HDAC9: variants seen among roughly 807,000 people sequenced by gnomAD.
HDAC9 encodes MEF-2 interacting transcription repressor (MITR) protein.
HDAC9 carries 41 observed loss-of-function variants against 139.4 expected under a neutral mutation model. The observed-to-expected ratio is 0.29, with a 90% CI of 0.23 to 0.38. HDAC9 has a LOEUF of 0.38. Ranked by LOEUF, HDAC9 falls within the 10% of genes least tolerant of loss-of-function variation. HDAC9 has a pLI of 1.00. For missense variants in HDAC9, 1,147 were observed against 1,297.0 expected (o/e 0.88, Z 1.78); for synonymous variants, 517 against 476.2 (o/e 1.09, Z -1.12).
At chr7:18,922,390 T>C (rs1178806996) in intron 22 of HDAC9, among the ~76,000 whole-genome samples, 3 of 152,036 alleles carry the variant, frequency 2.0e-5, no homozygotes, top group South Asian at 2.1e-4. Flanking sequence ...ATAAAAAATG[T>C]TGTGAGAGGA....
chr7:18,715,714 G>A (rs1294001141), intron 12 of HDAC9, among the ~76,000 whole-genome samples: 1 of 152,082 alleles, frequency 6.6e-6, no homozygotes, highest in East Asian at 1.9e-4. Context: ...GTTAAATCTA[G>A]TATATTAACA....
chr7:18,985,059 T>A (rs12056180), intron 25 of HDAC9, among the ~76,000 whole-genome samples: 52,897 of 152,004 alleles, frequency 0.35, 10,678 homozygotes, highest in Non-Finnish European at 0.46. Context: ...TATTTTTTTT[T>A]AATTCTTTTT....
chr7:18,868,666 T>C (rs1275485280), intron 21 of HDAC9, among the ~76,000 whole-genome samples: 10 of 152,196 alleles, frequency 6.6e-5, no homozygotes, highest in Non-Finnish European at 5.9e-5. Flanking sequence ...GCAAAAGTAA[T>C]TGTGTTTTTT....
At chr7:18,110,571 G>C (rs1424155215) in intron 1 of HDAC9, among the ~76,000 whole-genome samples, 1 of 152,204 alleles carries the variant, frequency 6.6e-6, no homozygotes, top group East Asian at 1.9e-4. Flanking sequence ...AGTGAGGCTG[G>C]GAAGCCAGAT....
intron 2 of HDAC9, among the ~76,000 whole-genome samples, chr7:18,534,352 A>G (rs1013407352): frequency 2.0e-5 from 3 of 152,008 alleles, no homozygotes; most frequent in Non-Finnish European, 4.4e-5. Flanking sequence ...ACCAGCCTGG[A>G]CAACACGGTG....
At chr7:18,743,336 A>G (rs1049067676) in intron 13 of HDAC9, among the ~76,000 whole-genome samples, 3 of 152,210 alleles carry the variant, frequency 2.0e-5, no homozygotes, top group Non-Finnish European at 4.4e-5. Context: ...CTCTGTTAAG[A>G]TGACTTACAT....
intron 1 of HDAC9, among the ~76,000 whole-genome samples, chr7:18,354,039 T>A (rs1197174224): frequency 6.6e-6 from 1 of 152,106 alleles, no homozygotes; most frequent in Non-Finnish European, 1.5e-5. Flanking sequence ...CATTTGGGAC[T>A]TAGCAAATTC....
chr7:18,445,062 G>A (rs1032613734), intron 1 of HDAC9, among the ~76,000 whole-genome samples: 1 of 152,118 alleles, frequency 6.6e-6, no homozygotes, highest in Non-Finnish European at 1.5e-5. Flanking sequence ...CCTGCATAGT[G>A]GCCATTGTCT....
chr7:18,405,616 G>A (rs940973082), intron 1 of HDAC9, among the ~76,000 whole-genome samples: 1 of 151,920 alleles, frequency 6.6e-6, no homozygotes, highest in African/African-American at 2.4e-5. Context: ...ATGGAGATTG[G>A]GGCATAAGAA....
intron 1 of HDAC9, among the ~76,000 whole-genome samples, chr7:18,388,311 TC>T (rs1439373770): frequency 6.6e-5 from 10 of 152,268 alleles, no homozygotes; most frequent in African/African-American, 2.4e-4. Flanking sequence ...CTTGAGCACA[TC>T]TGAAGTAGCT....
intron 25 of HDAC9, among the ~76,000 whole-genome samples, chr7:18,983,446 A>T (rs908449571): frequency 2.6e-5 from 4 of 152,084 alleles, no homozygotes; most frequent in African/African-American, 9.7e-5. Flanking sequence ...TCCTATTTTC[A>T]GTTTTTTTGG....
In HDAC9 at chr7:18,835,539, C is replaced by T. The variant is rs1400537160; in HGVS notation, c.2539C>T (p.Arg847Cys). The stretch of plus-strand genomic sequence containing the variant: ...CAGCATCCTGTACATTTCACTCCAT[C>T]GCTATGATGAAGGGAACTTTTTCCC... Reference protein sequence around the residue: ...DPSILYISLHRYDEGNFFPGS... With the variant: ...DPSILYISLHCYDEGNFFPGS... Residue 847 changes from arginine to cysteine, a missense_variant, in exon 20 of 26, where the codon CGC becomes TGC. Physicochemically the swap from Arg to Cys is radical, Grantham distance 180 (BLOSUM62 -3). This residue lies in a region of HDAC9 where 407 missense variants were observed against 521.5 expected (regional missense o/e 0.78). Coordinates refer to ENST00000686413, the MANE Select transcript of HDAC9 (RefSeq NM_178425.4). 3 of 1,613,744 alleles carry T rather than the reference C, an allele frequency of 1.9e-6. No homozygotes were observed. Among genetic ancestry groups the T allele is most frequent in the Non-Finnish European group, 2.5e-6 (3 of 1,179,692 alleles).
intron 1 of HDAC9, among the ~76,000 whole-genome samples, chr7:18,431,702 A>G (rs1790682249): frequency 1.3e-5 from 2 of 152,216 alleles, no homozygotes; most frequent in South Asian, 2.1e-4. Flanking sequence ...ATAAATACAT[A>G]CTGGATTGAT....
At chr7:18,588,745 A>G (rs1474069185) in intron 3 of HDAC9, among the ~76,000 whole-genome samples, 1 of 152,066 alleles carries the variant, frequency 6.6e-6, no homozygotes, top group African/African-American at 2.4e-5. Context: ...TGAAAAAAAT[A>G]TATTGCAGCT....
At chr7:18,988,684 ATGTG>A (rs1785592763) in intron 25 of HDAC9, among the ~76,000 whole-genome samples, 1 of 151,040 alleles carries the variant, frequency 6.6e-6, no homozygotes, top group Non-Finnish European at 1.5e-5. Context: ...CCCATTATTA[ATGTG>A]TGGGAGTCTA....
intron 24 of HDAC9, among the ~76,000 whole-genome samples, chr7:18,960,000 G>A (rs1410587438): frequency 9.5e-6 from 1 of 105,020 alleles, no homozygotes; most frequent in Non-Finnish European, 1.9e-5. Flanking sequence ...CTAATCCTCT[G>A]TTGTTTTAAA....
intron 22 of HDAC9, among the ~76,000 whole-genome samples, chr7:18,897,095 C>CT (rs1459048864): frequency 6.6e-6 from 1 of 151,750 alleles, no homozygotes; most frequent in Non-Finnish European, 1.5e-5. Flanking sequence ...CTATATCTTC[C>CT]TTGAATTTCC....
At chr7:18,090,182 A>T (rs1782054409) in intron 1 of HDAC9, among the ~76,000 whole-genome samples, 1 of 152,182 alleles carries the variant, frequency 6.6e-6, no homozygotes, top group African/African-American at 2.4e-5. Context: ...ACCCAACGTT[A>T]CACCATAGTG....
At chr7:18,893,324 G>A (rs779730758) in intron 22 of HDAC9, among the ~76,000 whole-genome samples, 2 of 151,984 alleles carry the variant, frequency 1.3e-5, no homozygotes, top group East Asian at 1.9e-4. Context: ...CATAACCTTC[G>A]CTCTCCTTAT....
Sources: allele counts gnomAD v4.1 joint callset (sites outside exome capture counted in the v4.1 genomes callset), GRCh38; gene constraint gnomAD v4.1.1; regional missense constraint gnomAD v4.1.1; transcripts MANE v1.5; gene names NCBI Gene and HGNC (gene_info 2026-07-23, HGNC 2026-07-21).